The following CDH4 variants were observed in gnomAD, a reference collection of about 807,000 sequenced individuals.
CDH4 encodes cadherin 4, also known as cadherin-4.
CDH4 carries 33 observed loss-of-function variants against 86.0 expected under a neutral mutation model. The observed-to-expected ratio is 0.38, with a 90% CI of 0.29 to 0.51. The LOEUF (loss-of-function observed/expected upper bound fraction) is 0.51, where lower values mean the gene tolerates loss of function less well. Ranked by LOEUF, CDH4 falls within the 20% of genes least tolerant of loss-of-function variation. The probability of loss-of-function intolerance (pLI) is 0.86; values close to 1 mark genes in which losing one functional copy is unlikely to be tolerated. For missense variants in CDH4, 1,114 were observed against 1,307.4 expected (o/e 0.85, Z 2.28); for synonymous variants, 555 against 549.4 (o/e 1.01, Z -0.14).
chr20:61,375,748 GTGA>G (rs148122137), intron 2 of CDH4, among the ~76,000 whole-genome samples: 24,711 of 144,064 alleles, frequency 0.17, 2,901 homozygotes, highest in East Asian at 0.36. Context: ...CTTGGTGGTG[GTGA>G]TGATGGTGGT....
intron 2 of CDH4, among the ~76,000 whole-genome samples, chr20:61,394,590 G>A (rs1457574840): frequency 6.6e-6 from 1 of 151,770 alleles, no homozygotes; most frequent in East Asian, 2.0e-4. Context: ...GCACCAGGGC[G>A]GGGTGAGGAC....
chr20:61,430,365 G>C (rs571396863), intron 2 of CDH4, among the ~76,000 whole-genome samples: 1 of 152,314 alleles, frequency 6.6e-6, no homozygotes, highest in South Asian at 2.1e-4. Flanking sequence ...TTGACGCCCG[G>C]CTCATCAGTG....
chr20:61,408,279 G>A (rs1186853505), intron 2 of CDH4, among the ~76,000 whole-genome samples: 1 of 152,158 alleles, frequency 6.6e-6, no homozygotes, highest in African/African-American at 2.4e-5. Flanking sequence ...TAGGGCGTGG[G>A]CATCTCAGGG....
intron 7 of CDH4, among the ~76,000 whole-genome samples, chr20:61,888,167 C>A (rs1297907057): frequency 2.0e-5 from 3 of 152,204 alleles, no homozygotes; most frequent in East Asian, 1.9e-4. Context: ...CACATCCCTG[C>A]AGAGCCGCCG....
At chr20:61,842,188 G>A (rs1982207846) in intron 4 of CDH4, among the ~76,000 whole-genome samples, 1 of 152,206 alleles carries the variant, frequency 6.6e-6, no homozygotes, top group African/African-American at 2.4e-5. Context: ...GGTGCCTGGC[G>A]AGAAGCCAGC....
At chr20:61,431,037 T>C (rs931576840) in intron 2 of CDH4, among the ~76,000 whole-genome samples, 1 of 152,244 alleles carries the variant, frequency 6.6e-6, no homozygotes, top group Admixed American at 6.5e-5. Context: ...ATCCAGAGAC[T>C]GTGTTGCTGT....
At chr20:61,906,779 G>A (rs1357618388) in intron 8 of CDH4, among the ~76,000 whole-genome samples, 5 of 151,940 alleles carry the variant, frequency 3.3e-5, no homozygotes, top group Non-Finnish European at 5.9e-5. Flanking sequence ...GCAAGACGGT[G>A]TCCCCAGCAG....
chr20:61,378,720 G>T lies in CDH4; in HGVS notation c.169+123783G>T, dbSNP rs117010651. ...ATCATAGGTTCTAGGGATTGACAAG[G>T]ATGTATTTTGGCCATCAGACAACTC... On this transcript the variant is annotated intron_variant, in intron 2 of 15. Coordinates refer to ENST00000614565, the MANE Select transcript of CDH4 (RefSeq NM_001794.5). Among the ~76,000 whole-genome samples the T allele has an allele frequency of 5.0e-4, 76 of 152,300 alleles. 1 individual carries two copies. In the East Asian group the frequency reaches 0.014, roughly 27 times the overall value.
At chr20:61,682,150 G>A (rs1378972568) in intron 2 of CDH4, among the ~76,000 whole-genome samples, 2 of 152,210 alleles carry the variant, frequency 1.3e-5, no homozygotes, top group Non-Finnish European at 1.5e-5. Context: ...ATAGAGGGTA[G>A]ATGGATGGAC....
intron 11 of CDH4, among the ~76,000 whole-genome samples, chr20:61,925,146 G>A (rs949049562): frequency 3.9e-5 from 6 of 152,194 alleles, no homozygotes; most frequent in East Asian, 3.9e-4. Context: ...ACGGGAGGGC[G>A]AGGATGGGCT....
chr20:61,864,456 C>T (rs7267049), intron 6 of CDH4, among the ~76,000 whole-genome samples: 39,409 of 152,156 alleles, frequency 0.26, 5,684 homozygotes, highest in African/African-American at 0.38. Flanking sequence ...CTGTGGGGAA[C>T]GCAGCACATG....
At chr20:61,799,651 G>C (rs1264904527) in intron 4 of CDH4, among the ~76,000 whole-genome samples, 1 of 152,216 alleles carries the variant, frequency 6.6e-6, no homozygotes, top group African/African-American at 2.4e-5. Context: ...TAGGAGGGGT[G>C]CTGGGGTATC....
chr20:61,315,617 A>C (rs1198216427), intron 2 of CDH4, among the ~76,000 whole-genome samples: 1 of 152,256 alleles, frequency 6.6e-6, no homozygotes, highest in African/African-American at 2.4e-5. Flanking sequence ...CCTGTTCGTC[A>C]TGAGGCTCCC....
intron 2 of CDH4, among the ~76,000 whole-genome samples, chr20:61,349,338 G>C (rs537238676): frequency 4.0e-4 from 61 of 152,360 alleles, no homozygotes; most frequent in South Asian, 2.1e-4. Context: ...CCGCAGCCGG[G>C]TGTGGCAGCT....
At chr20:61,789,091 G>C (rs749564817) in intron 4 of CDH4, among the ~76,000 whole-genome samples, 12 of 152,182 alleles carry the variant, frequency 7.9e-5, no homozygotes, top group Non-Finnish European at 1.8e-4. Context: ...ACAGGTGTGG[G>C]TTGGTCAGGC....
chr20:61,720,197 G>A (rs918412138), intron 2 of CDH4, among the ~76,000 whole-genome samples: 7 of 152,118 alleles, frequency 4.6e-5, no homozygotes, highest in African/African-American at 1.2e-4. Flanking sequence ...TTGGGCGAAC[G>A]TTGGTGGTGA....
chr20:61,390,599 G>C (rs76682589), intron 2 of CDH4, among the ~76,000 whole-genome samples: 3,152 of 107,108 alleles, frequency 0.029, 14 homozygotes, highest in Admixed American at 0.059. Flanking sequence ...TGCCCATAGT[G>C]CCGTGTCTGG....
intron 7 of CDH4, among the ~76,000 whole-genome samples, chr20:61,894,124 G>A (rs952022324): frequency 1.3e-5 from 2 of 152,128 alleles, no homozygotes; most frequent in Non-Finnish European, 2.9e-5. Flanking sequence ...GGTCCCAGCA[G>A]GGAGCTGCCC....
At chr20:61,568,994 A>C (rs1454131333) in intron 2 of CDH4, among the ~76,000 whole-genome samples, 18 of 152,072 alleles carry the variant, frequency 1.2e-4, no homozygotes, top group Admixed American at 1.2e-3. Flanking sequence ...CCAAACCTGA[A>C]ATCTGAAATC....
Sources: gnomAD v4.1 joint callset for allele counts (sites outside exome capture counted in the v4.1 genomes callset) on GRCh38, gnomAD v4.1.1 for gene constraint, MANE v1.5 for transcripts, NCBI Gene and HGNC (gene_info 2026-07-23, HGNC 2026-07-21) for gene names.